SCAF4: variants seen among roughly 807,000 people sequenced by gnomAD.
SCAF4 encodes SR-related CTD associated factor 4.
Under a neutral mutation model 129.8 loss-of-function variants are expected in SCAF4, and 25 were observed. The ratio of observed to expected loss-of-function variants is 0.19; its 90% CI spans 0.14 to 0.27. SCAF4 has a LOEUF of 0.27. Among genes scored for constraint, SCAF4 ranks in the 10% least tolerant of loss-of-function variants. SCAF4 has a pLI of 1.00. For synonymous variants in SCAF4, 551 were observed against 497.7 expected (o/e 1.11, Z -1.43); for missense variants, 1,246 against 1,457.1 (o/e 0.86, Z 2.36).
intron 1 of SCAF4, among the ~76,000 whole-genome samples, chr21:31,726,759 GT>G (rs1473916306): frequency 6.6e-6 from 1 of 152,182 alleles, no homozygotes; most frequent in Admixed American, 6.5e-5. Flanking sequence ...TGTTTGAAAA[GT>G]TCATTGCAGC....
chr21:31,693,139 T>C (rs940016528), intron 12 of SCAF4, among the ~76,000 whole-genome samples, 155 bp downstream of exon 12: 1 of 152,152 alleles, frequency 6.6e-6, no homozygotes, highest in Non-Finnish European at 1.5e-5. Flanking sequence ...AGGGTATACA[T>C]CAATGAATAA....
chr21:31,697,545 T>C (rs978981333), intron 7 of SCAF4, among the ~76,000 whole-genome samples: 2 of 152,230 alleles, frequency 1.3e-5, no homozygotes, highest in African/African-American at 4.8e-5. Context: ...AGTCAGTGAA[T>C]GGTAGAATCA....
intron 19 of SCAF4, among the ~76,000 whole-genome samples, chr21:31,673,344 T>C (rs2049760751): frequency 6.6e-6 from 1 of 151,898 alleles, no homozygotes; most frequent in South Asian, 2.1e-4. Context: ...TGGAAAATGT[T>C]CCAGGTACTG....
chr21:31,724,620 T>C (rs2051155465), intron 1 of SCAF4, among the ~76,000 whole-genome samples: 1 of 152,202 alleles, frequency 6.6e-6, no homozygotes, highest in Non-Finnish European at 1.5e-5. Flanking sequence ...TGCGCAGATA[T>C]GTACAAAAAA....
Position 31,671,290 on chromosome 21 carries a change from G to C in SCAF4, c.*109C>G. The C allele has an allele frequency of 8.0e-7, 1 of 1,254,846 alleles. No individual in the cohort carries two copies. The highest frequency in any genetic ancestry group is 1.1e-6 in the Non-Finnish European group (1 of 933,292). The allele number at this position is 1,254,846 out of a possible 1,614,324, so 77.7% of individuals were successfully genotyped here. On this transcript the variant is annotated 3_prime_UTR_variant, in exon 20 of 20. Coordinates refer to ENST00000286835, the MANE Select transcript of SCAF4 (RefSeq NM_020706.2). The stretch of plus-strand genomic sequence containing the variant: ...TCAAATTGCTTACAGTTCCCCACCA[G>C]CTGGCGCGGGGCTGCAGTACAGCGG...
At chr21:31,685,818 G>C (rs1489760536) in intron 16 of SCAF4, 85 bp from the exon 17 acceptor site, 1 of 1,277,668 alleles carries the variant, frequency 7.8e-7, no homozygotes, top group Non-Finnish European at 1.1e-6. Flanking sequence ...GCAAACTGTT[G>C]AAAAAATAGA....
Position 31,703,925 on chromosome 21 carries a change from C to T in SCAF4, c.161G>A (p.Cys54Tyr). Residue 54 changes from cysteine to tyrosine, a missense_variant and splice_region_variant, in exon 4 of 20, where the codon TGT becomes TAT. Physicochemically the swap from Cys to Tyr is radical, Grantham distance 194 (BLOSUM62 -2). Around this residue, in one of 6 missense-constraint regions of SCAF4, gnomAD observed 56 missense variants for 139.4 expected, o/e 0.40. Transcript: ENST00000286835. ...VQIVEKFIKK[C>Y]KPEYKVPGLY... Reference sequence around the variant, plus strand: ...TCCCGGAACCTTGTATTCTGGTTTACACTGCAAGGATAAAGATGTAAGATC... The same window carrying T: ...TCCCGGAACCTTGTATTCTGGTTTATACTGCAAGGATAAAGATGTAAGATC... 6.4e-7 allele frequency: 1 copy of T among 1,551,956 alleles called. No homozygotes were observed. The highest frequency in any genetic ancestry group is 8.8e-7 in the Non-Finnish European group (1 of 1,136,206).
intron 4 of SCAF4, 78 bp from the exon 5 acceptor site, chr21:31,702,457 G>A (rs2050557410): frequency 1.6e-6 from 2 of 1,289,830 alleles, no homozygotes; most frequent in South Asian, 1.4e-5. Context: ...AAAAAAGAGA[G>A]GAAAACTCCC....
At chr21:31,716,910 A>G (rs1177680276) in intron 1 of SCAF4, among the ~76,000 whole-genome samples, 1 of 152,176 alleles carries the variant, frequency 6.6e-6, no homozygotes, top group African/African-American at 2.4e-5. Context: ...TGAGTTAATC[A>G]ATGGTACATA....
chr21:31,705,542 A>C lies in SCAF4; in HGVS notation c.115-75T>G, dbSNP rs2050636485. 4 of 616,298 alleles carry C rather than the reference A, an allele frequency of 6.5e-6. No individual in the cohort carries two copies. The South Asian group carries it at 1.1e-4, about 16-fold the overall frequency. 38.2% of individuals were successfully genotyped at this position (616,298 alleles called of 1,614,324 possible). A position where few individuals can be genotyped will look rare whatever the true frequency, so the allele number is the denominator to read the frequency against. On this transcript the variant is annotated intron_variant, in intron 2 of 19. Coordinates refer to ENST00000286835, the MANE Select transcript of SCAF4 (RefSeq NM_020706.2). ...TTCCTATAATTAGAAAATTCTTAAA[A>C]CTCTGAAATCTATACAATCTAAATA...
At chr21:31,719,248 C>T (rs1306804146) in intron 1 of SCAF4, among the ~76,000 whole-genome samples, 2 of 151,966 alleles carry the variant, frequency 1.3e-5, no homozygotes, top group South Asian at 4.1e-4. Context: ...CAAGATCACG[C>T]CATCGCACTC....
At chr21:31,696,310 G>T in intron 8 of SCAF4, 89 bp from the exon 9 acceptor site, 1 of 966,642 alleles carries the variant, frequency 1.0e-6, no homozygotes. Flanking sequence ...TTGTTCATGA[G>T]TCATTAACAT....
chr21:31,714,315 G>A (rs1467421066), intron 1 of SCAF4, among the ~76,000 whole-genome samples: 3 of 152,114 alleles, frequency 2.0e-5, no homozygotes, highest in African/African-American at 4.8e-5. Flanking sequence ...TGTCAAAGCA[G>A]CCAGAGAAAA....
chr21:31,698,397 C>T (rs2050438959), intron 7 of SCAF4, among the ~76,000 whole-genome samples: 1 of 152,076 alleles, frequency 6.6e-6, no homozygotes, highest in Non-Finnish European at 1.5e-5. Context: ...ACATGCTCAC[C>T]ATCATGGCTT....
intron 16 of SCAF4, among the ~76,000 whole-genome samples, chr21:31,687,680 T>C (rs1427904857): frequency 2.7e-5 from 4 of 150,112 alleles, no homozygotes; most frequent in Non-Finnish European, 6.0e-5. Context: ...ATTGGGTACA[T>C]ATCCAAGTTT....
chr21:31,685,004 G>A lies in SCAF4; in HGVS notation c.2488+45C>T, dbSNP rs760312920. ...CTTGGGGATGGGTGGGGGGGTGGGG[G>A]GGGGGTGGGGCAAGGAAAACTAATG... On this transcript the variant is annotated intron_variant, in intron 19 of 19. Transcript: ENST00000286835. The A allele has an allele frequency of 5.4e-6, 4 of 742,856 alleles. No individual in the cohort carries two copies. The African/African-American group carries it at 5.6e-5, about 10-fold the overall frequency. The allele number at this position is 742,856 out of a possible 1,614,324, so 46.0% of individuals were successfully genotyped here.
Position 31,696,656 on chromosome 21 carries a change from G to T in SCAF4, c.872C>A (p.Ala291Asp). The T allele has an allele frequency of 2.5e-6, 4 of 1,614,104 alleles. No individual in the cohort carries two copies. The highest frequency in any genetic ancestry group is 3.4e-6 in the Non-Finnish European group (4 of 1,179,960). Residue 291 changes from alanine to aspartate, a missense_variant, in exon 8 of 20, where the codon GCT becomes GAT. Physicochemically the swap from Ala to Asp is moderately radical, Grantham distance 126. Transcript: ENST00000286835. ...GGTGGGTGCAGGGGGTACTGCGGCA[G>T]CAGGTGCTGTCGTGGTGACGGCAGT... The part of the protein sequence containing the change: ...DTTAVTTTAP[A>D]AAVPPAPTAT...
chr21:31,709,573 C>T (rs182123131), intron 1 of SCAF4, among the ~76,000 whole-genome samples: 2 of 152,156 alleles, frequency 1.3e-5, no homozygotes, highest in African/African-American at 4.8e-5. Flanking sequence ...TTTAAGGAAA[C>T]ACTCTATAGT....
chr21:31,706,653 T>C, intron 1 of SCAF4: 1 of 351,276 alleles, frequency 2.8e-6, no homozygotes, highest in Admixed American at 4.5e-5. Context: ...CTAAACCTGC[T>C]CCTGCAAAAG....
Sources: gnomAD v4.1 joint callset for allele counts (sites outside exome capture counted in the v4.1 genomes callset) on GRCh38, gnomAD v4.1.1 for gene constraint, gnomAD v4.1.1 regional missense constraint, MANE v1.5 for transcripts, NCBI Gene and HGNC (gene_info 2026-07-23, HGNC 2026-07-21) for gene names.